Variants in CIMIP2C observed in about 807,000 individuals in gnomAD.
The protein encoded by CIMIP2C is UPF0573 protein C2orf70.
chr2:26,565,865 G>A, the CIMIP2C span, among the ~76,000 whole-genome samples: 150 of 152,354 alleles, frequency 9.8e-4, 1 homozygote, highest in Non-Finnish European at 2.9e-4. Context: ...CAGCCTCGCC[G>A]GCCAGGGTGC....
chr2:26,572,331 C>A, the CIMIP2C span, among the ~76,000 whole-genome samples: 1 of 147,824 alleles, frequency 6.8e-6, no homozygotes, highest in East Asian at 2.0e-4. Context: ...CTAACAGAGG[C>A]TCTACATTAC....
the CIMIP2C span, among the ~76,000 whole-genome samples, chr2:26,570,410 G>A: frequency 6.6e-6 from 1 of 152,238 alleles, no homozygotes; most frequent in East Asian, 1.9e-4. Context: ...GCCTCCTCCA[G>A]TGAACATTTG....
the CIMIP2C span, among the ~76,000 whole-genome samples, chr2:26,563,463 G>A: frequency 2.0e-5 from 3 of 152,102 alleles, no homozygotes; most frequent in African/African-American, 7.2e-5. Flanking sequence ...ACTCTGGACC[G>A]CCTCTCCCAG....
the CIMIP2C span, chr2:26,579,390 T>C: frequency 6.2e-7 from 1 of 1,613,830 alleles, no homozygotes; most frequent in Non-Finnish European, 8.5e-7. Flanking sequence ...AGAGGGTCTC[T>C]CCACAGGAGC....
At chr2:26,578,738 TGGGGAGAGC>T in the CIMIP2C span, 1 of 471,126 alleles carries the variant, frequency 2.1e-6, no homozygotes, top group Non-Finnish European at 4.4e-6. Context: ...CCCATCACTG[TGGGGAGAGC>T]GGGACATCTC....
the CIMIP2C span, among the ~76,000 whole-genome samples, chr2:26,566,944 A>G: frequency 6.6e-6 from 1 of 152,226 alleles, no homozygotes; most frequent in Non-Finnish European, 1.5e-5. Context: ...TCTTGGGCTC[A>G]AGCCATTTGC....
the CIMIP2C span, chr2:26,577,985 A>G: frequency 4.0e-5 from 11 of 276,454 alleles, no homozygotes; most frequent in Non-Finnish European, 5.4e-5. Flanking sequence ...TGCAGAGCGC[A>G]GTAAGGAGCT....
the CIMIP2C span, among the ~76,000 whole-genome samples, chr2:26,570,852 T>A: frequency 6.6e-6 from 1 of 152,040 alleles, no homozygotes. Context: ...AGGCAAGCAA[T>A]GAGGGAGGCT....
At chr2:26,564,627 C>T in the CIMIP2C span, among the ~76,000 whole-genome samples, 654 of 152,330 alleles carry the variant, frequency 4.3e-3, 5 homozygotes, top group African/African-American at 0.015. Flanking sequence ...AATGCTACCT[C>T]GTTGGCAATT....
At chr2:26,562,813 C>A in the CIMIP2C span, 1 of 808,294 alleles carries the variant, frequency 1.2e-6, no homozygotes, top group African/African-American at 1.7e-5. Flanking sequence ...TTCCACCCGA[C>A]GGGGCGAGGG....
the CIMIP2C span, among the ~76,000 whole-genome samples, chr2:26,568,278 G>A: frequency 6.6e-6 from 1 of 152,160 alleles, no homozygotes; most frequent in African/African-American, 2.4e-5. Context: ...CACTTAGGGA[G>A]CCTCTGGCCA....
At chr2:26,565,781 G>C in the CIMIP2C span, among the ~76,000 whole-genome samples, 1 of 152,348 alleles carries the variant, frequency 6.6e-6, no homozygotes, top group Admixed American at 6.5e-5. Context: ...GTTATCATTA[G>C]TTAGATCTCT....
the CIMIP2C span, among the ~76,000 whole-genome samples, chr2:26,567,792 C>T: frequency 3.3e-5 from 5 of 152,306 alleles, no homozygotes; most frequent in East Asian, 5.8e-4. Context: ...GACCTGTGTT[C>T]GGGCCCCATC....
the CIMIP2C span, among the ~76,000 whole-genome samples, chr2:26,564,974 C>T: frequency 6.6e-6 from 1 of 152,180 alleles, no homozygotes; most frequent in East Asian, 1.9e-4. Context: ...AGTCTGAGCT[C>T]CAACTATGTA....
chr2:26,567,746 C>T, the CIMIP2C span, among the ~76,000 whole-genome samples: 3 of 152,208 alleles, frequency 2.0e-5, no homozygotes, highest in Non-Finnish European at 2.9e-5. Flanking sequence ...TGTGCCCATT[C>T]GTTAGTATTA....
the CIMIP2C span, among the ~76,000 whole-genome samples, chr2:26,576,417 T>C: frequency 2.0e-5 from 3 of 152,194 alleles, no homozygotes; most frequent in Non-Finnish European, 4.4e-5. Flanking sequence ...CCCCAACTCC[T>C]GCTCACTCCC....
chr2:26,570,221 T>C, the CIMIP2C span, among the ~76,000 whole-genome samples: 1 of 152,170 alleles, frequency 6.6e-6, no homozygotes. Flanking sequence ...GGCAGAGAGC[T>C]TGGGGGCGGA....
the CIMIP2C span, chr2:26,579,135 T>C: frequency 1.4e-6 from 1 of 734,076 alleles, no homozygotes; most frequent in Non-Finnish European, 2.2e-6. Flanking sequence ...ATACAGGTTA[T>C]TCCCACCCCA....
chr2:26,572,037 G>C, the CIMIP2C span: 1 of 1,454,676 alleles, frequency 6.9e-7, no homozygotes, highest in Non-Finnish European at 9.2e-7. Context: ...CACTATAGGA[G>C]AGAGAGAGAG....
Sources: allele counts gnomAD v4.1 joint callset (sites outside exome capture counted in the v4.1 genomes callset), GRCh38; gene constraint gnomAD v4.1.1; transcripts MANE v1.5; gene names NCBI Gene and HGNC (gene_info 2026-07-23, HGNC 2026-07-21).